The following DPYD variants were observed in gnomAD, a reference collection of about 807,000 sequenced individuals.
The protein encoded by DPYD is dihydropyrimidine dehydrogenase [NADP(+)].
Under a neutral mutation model 116.2 loss-of-function variants are expected in DPYD, and 109 were observed. The ratio of observed to expected loss-of-function variants is 0.94; its 90% CI spans 0.80 to 1.10. The LOEUF is 1.10. Ranked by LOEUF, DPYD falls within the 50% of genes least tolerant of loss-of-function variation. The pLI is 0.00. For synonymous variants in DPYD, 440 were observed against 432.0 expected, an observed-to-expected ratio of 1.02 and a Z score of -0.23; for missense variants, 1,302 against 1,254.5, an observed-to-expected ratio of 1.04 and a Z score of -0.57.
intron 5 of DPYD, 29 bp downstream of exon 5, chr1:97,721,481 G>A (rs1002503985): frequency 6.2e-7 from 1 of 1,609,566 alleles, no homozygotes; most frequent in Admixed American, 1.7e-5. Flanking sequence ...GATGGTAGTG[G>A]GGGGATGTCA....
intron 2 of DPYD, among the ~76,000 whole-genome samples, chr1:97,864,551 C>A (rs1298155402): frequency 1.3e-5 from 2 of 151,714 alleles, no homozygotes; most frequent in Admixed American, 1.3e-4. Flanking sequence ...CCCCACACCT[C>A]TGTAGATAAT....
At chr1:97,192,982 T>G in intron 20 of DPYD, 87 bp downstream of exon 20, 3 of 1,460,424 alleles carry the variant, frequency 2.1e-6, no homozygotes, top group Non-Finnish European at 2.9e-6. Flanking sequence ...TTTCCTTTGT[T>G]AGTGAGAATG....
intron 13 of DPYD, among the ~76,000 whole-genome samples, chr1:97,482,202 A>T (rs926171436): frequency 2.6e-5 from 4 of 152,214 alleles, no homozygotes; most frequent in African/African-American, 9.6e-5. Flanking sequence ...AGTGAACTAT[A>T]CAGTTATTTA....
chr1:97,786,417 T>G (rs17117173), intron 3 of DPYD, among the ~76,000 whole-genome samples: 3,761 of 152,312 alleles, frequency 0.025, 170 homozygotes, highest in African/African-American at 0.087. Flanking sequence ...ACAAATGATT[T>G]TTTTTAAAGC....
intron 19 of DPYD, among the ~76,000 whole-genome samples, chr1:97,209,415 T>A (rs897095574): frequency 1.3e-5 from 2 of 152,162 alleles, no homozygotes; most frequent in Non-Finnish European, 2.9e-5. Context: ...TCCCTCCAGA[T>A]TACTCACATT....
chr1:97,352,465 A>G lies in DPYD; in HGVS notation c.2058+21096T>C, dbSNP rs577865612. Among the ~76,000 whole-genome samples the G allele has an allele frequency of 8.7e-4, 132 of 152,270 alleles. 1 individual carries two copies. Among genetic ancestry groups the G allele is most frequent in the Admixed American group, 7.9e-3 (121 of 15,296 alleles). On this transcript the variant is annotated intron_variant, in intron 16 of 22. Transcript: ENST00000370192. ...AGTGGGAAACAATGAAAGAATGAGC[A>G]GACAGCTGGATTTACAAGAAATAGT...
chr1:97,531,097 T>C (rs968487585), intron 12 of DPYD, among the ~76,000 whole-genome samples: 16 of 152,234 alleles, frequency 1.1e-4, no homozygotes, highest in Non-Finnish European at 1.8e-4. Flanking sequence ...TCCTTAGCTA[T>C]GCAGAAGTTC....
intron 14 of DPYD, among the ~76,000 whole-genome samples, chr1:97,414,083 C>T (rs945529898): frequency 5.9e-5 from 9 of 151,872 alleles, no homozygotes; most frequent in African/African-American, 1.5e-4. Flanking sequence ...GACAAAACTA[C>T]TCAACAAAAA....
chr1:97,192,905 A>G (rs1193684391), intron 20 of DPYD, among the ~76,000 whole-genome samples, 164 bp downstream of exon 20: 2 of 152,194 alleles, frequency 1.3e-5, no homozygotes, highest in African/African-American at 4.8e-5. Context: ...CAGACCCATC[A>G]TATGGCTGTA....
chr1:97,486,854 TA>T (rs1557746139), intron 13 of DPYD, among the ~76,000 whole-genome samples: 1 of 151,866 alleles, frequency 6.6e-6, no homozygotes, highest in Non-Finnish European at 1.5e-5. Flanking sequence ...TTTCTAAACA[TA>T]AATACAGAAT....
At chr1:97,525,289 A>G (rs567394737) in intron 12 of DPYD, among the ~76,000 whole-genome samples, 1 of 152,238 alleles carries the variant, frequency 6.6e-6, no homozygotes, top group African/African-American at 2.4e-5. Flanking sequence ...ATCAGTCAAA[A>G]CTCATCAAAT....
intron 4 of DPYD, among the ~76,000 whole-genome samples, chr1:97,731,531 C>A (rs980993863): frequency 6.6e-6 from 1 of 151,948 alleles, no homozygotes; most frequent in Non-Finnish European, 1.5e-5. Flanking sequence ...AATGTTCCAG[C>A]CTTTTATATT....
In DPYD at chr1:97,401,381, T is replaced by C. The variant is rs926883359; in HGVS notation, c.1906-18920A>G. On this transcript the variant is annotated intron_variant, in intron 14 of 22. Transcript: ENST00000370192. Reference sequence around the variant, plus strand: ...CAGGATGGAGTGCAGTGGCACAATCTCTGCTCACTGCAACCTCCGCCTCCC... The same window carrying C: ...CAGGATGGAGTGCAGTGGCACAATCCCTGCTCACTGCAACCTCCGCCTCCC... Among the ~76,000 whole-genome samples, 3 of 152,030 alleles carry C rather than the reference T, an allele frequency of 2.0e-5. No individual in the cohort carries two copies. In the East Asian group the frequency reaches 5.9e-4, roughly 30 times the overall value.
intron 14 of DPYD, among the ~76,000 whole-genome samples, chr1:97,404,672 T>C (rs1673552245): frequency 6.6e-6 from 1 of 152,138 alleles, no homozygotes; most frequent in Non-Finnish European, 1.5e-5. Context: ...ATAATCTATG[T>C]GTTTTTGTAT....
rs137991809 is a variant in DPYD, at chr1:97,524,235, G to C, written c.1525-8294C>G. On this transcript the variant is annotated intron_variant, in intron 12 of 22. Transcript: ENST00000370192. ...AAGAAAATTAACTACAGCGAGTTATGTTTGTATTTCACATAAGAAAGAATT... is the reference window on the plus strand; with the variant it reads ...AAGAAAATTAACTACAGCGAGTTATCTTTGTATTTCACATAAGAAAGAATT... Among the ~76,000 whole-genome samples, 69 of 152,296 alleles carry C rather than the reference G, an allele frequency of 4.5e-4. 2 individuals carry two copies. The East Asian group carries it at 0.013, about 29-fold the overall frequency.
chr1:97,755,152 G>A (rs924642711), intron 3 of DPYD, among the ~76,000 whole-genome samples: 2 of 152,146 alleles, frequency 1.3e-5, no homozygotes, highest in Non-Finnish European at 1.5e-5. Context: ...AACAACTATA[G>A]CATGTGCTGT....
At chr1:97,647,593 G>T (rs2100834126) in intron 8 of DPYD, among the ~76,000 whole-genome samples, 1 of 151,902 alleles carries the variant, frequency 6.6e-6, no homozygotes, top group Admixed American at 6.6e-5. Flanking sequence ...AAATAATATT[G>T]AGCATAATTT....
intron 13 of DPYD, among the ~76,000 whole-genome samples, chr1:97,503,855 T>C (rs1390745806): frequency 6.6e-6 from 1 of 152,040 alleles, no homozygotes; most frequent in East Asian, 1.9e-4. Flanking sequence ...AATAATGCAT[T>C]TTCATATACT....
intron 7 of DPYD, chr1:97,691,228 A>T (rs1360711851): frequency 2.0e-5 from 3 of 153,468 alleles, no homozygotes; most frequent in Non-Finnish European, 4.4e-5. Flanking sequence ...AATAATAAAA[A>T]ATACGAAGCT....
Sources: allele counts gnomAD v4.1 joint callset (sites outside exome capture counted in the v4.1 genomes callset), GRCh38; gene constraint gnomAD v4.1.1; transcripts MANE v1.5; gene names NCBI Gene and HGNC (gene_info 2026-07-23, HGNC 2026-07-21).